The following RGS6 variants were observed in gnomAD, a reference collection of about 807,000 sequenced individuals.
The protein encoded by RGS6 is regulator of G-protein signaling 6.
Under a neutral mutation model 78.5 loss-of-function variants are expected in RGS6, and 30 were observed. The observed-to-expected ratio is 0.38, with a 90% CI of 0.29 to 0.52. The LOEUF (loss-of-function observed/expected upper bound fraction) is 0.52. Ranked by LOEUF, RGS6 falls within the 20% of genes least tolerant of loss-of-function variation. RGS6 has a pLI of 0.85. For synonymous variants in RGS6, 206 were observed against 206.0 expected (o/e 1.00, Z 0.00); for missense variants, 495 against 609.7 (o/e 0.81, Z 1.98).
At chr14:72,282,923 C>T (rs973696256) in intron 2 of RGS6, among the ~76,000 whole-genome samples, 2 of 152,140 alleles carry the variant, frequency 1.3e-5, no homozygotes, top group Non-Finnish European at 2.9e-5. Context: ...TCAGTAATAA[C>T]TCCCTATCTC....
the RGS6 span, among the ~76,000 whole-genome samples, chr14:72,604,006 T>A: frequency 1.3e-5 from 2 of 152,098 alleles, no homozygotes; most frequent in Admixed American, 1.3e-4. Context: ...TAGTATAGTT[T>A]AACAGGATCC....
chr14:72,569,258 A>G (rs1037000814), downstream of RGS6, among the ~76,000 whole-genome samples: 4 of 152,318 alleles, frequency 2.6e-5, no homozygotes, highest in African/African-American at 7.2e-5. Context: ...ACTGAAAATC[A>G]AAATAGGGAA....
At chr14:72,162,015 A>G (rs1018078098) in intron 2 of RGS6, among the ~76,000 whole-genome samples, 1 of 152,228 alleles carries the variant, frequency 6.6e-6, no homozygotes, top group African/African-American at 2.4e-5. Flanking sequence ...ACGCAAGGGC[A>G]AGATTAATAG....
At chr14:72,068,056 G>A (rs1453545245) in intron 2 of RGS6, among the ~76,000 whole-genome samples, 1 of 152,146 alleles carries the variant, frequency 6.6e-6, no homozygotes, top group Non-Finnish European at 1.5e-5. Context: ...AATGCTGATG[G>A]GGGGATACTT....
At chr14:72,402,790 G>GTTTTTTTTTTTT (rs1167831473) in intron 3 of RGS6, among the ~76,000 whole-genome samples, 5 of 75,802 alleles carry the variant, frequency 6.6e-5, no homozygotes, top group East Asian at 4.5e-4. Flanking sequence ...TGTTTTTTTG[G>GTTTTTTTTTTTT]TTTTTTTTTT....
intron 2 of RGS6, among the ~76,000 whole-genome samples, chr14:72,221,329 A>G (rs2046820117): frequency 6.6e-6 from 1 of 152,210 alleles, no homozygotes; most frequent in Non-Finnish European, 1.5e-5. Context: ...CTCTAGTAGA[A>G]TACTACATTT....
At position 72,126,661 on chromosome 14, in the gene RGS6, G is replaced by C. The variant is rs2096201356; in HGVS notation, c.84+161786G>C. Among the ~76,000 whole-genome samples, 4 of 152,288 alleles carry C rather than the reference G, an allele frequency of 2.6e-5. No individual in the cohort carries two copies. In the South Asian group the frequency reaches 8.3e-4, roughly 32 times the overall value. On this transcript the variant is annotated intron_variant, in intron 2 of 17. Transcript: ENST00000553525. ...CTTACTAAGAAAATAGAAAACACTTGAGTTCTCTGTTTTGCATGTGGCTAT... is the reference window on the plus strand; with the variant it reads ...CTTACTAAGAAAATAGAAAACACTTCAGTTCTCTGTTTTGCATGTGGCTAT...
At chr14:72,553,797 C>CTG (rs2097536826) in intron 17 of RGS6, among the ~76,000 whole-genome samples, 1 of 152,220 alleles carries the variant, frequency 6.6e-6, no homozygotes, top group African/African-American at 2.4e-5. Flanking sequence ...AACTCTTCCT[C>CTG]TGTGGGCCCT....
chr14:72,471,073 C>G (rs1165341589), intron 8 of RGS6, among the ~76,000 whole-genome samples: 1 of 152,150 alleles, frequency 6.6e-6, no homozygotes, highest in Non-Finnish European at 1.5e-5. Flanking sequence ...ATCCTGAGCA[C>G]AGGCTGACCC....
chr14:72,602,865 G>A, the RGS6 span, among the ~76,000 whole-genome samples: 3 of 152,134 alleles, frequency 2.0e-5, no homozygotes, highest in Non-Finnish European at 2.9e-5. Context: ...CTAGATCCAC[G>A]TTGAGAAAGG....
intron 2 of RGS6, among the ~76,000 whole-genome samples, chr14:72,345,248 C>G (rs1015566917): frequency 6.6e-6 from 1 of 152,122 alleles, no homozygotes; most frequent in African/African-American, 2.4e-5. Flanking sequence ...TGTTGGTGTT[C>G]ATAGAATAGA....
At chr14:72,166,590 T>C (rs1161780698) in intron 2 of RGS6, among the ~76,000 whole-genome samples, 1 of 152,184 alleles carries the variant, frequency 6.6e-6, no homozygotes, top group Non-Finnish European at 1.5e-5. Context: ...TGTTAGACTT[T>C]AGAAATAGAC....
the RGS6 span, among the ~76,000 whole-genome samples, chr14:72,580,317 C>G: frequency 4.7e-5 from 7 of 148,704 alleles, no homozygotes; most frequent in East Asian, 8.1e-4. Flanking sequence ...TCCCCCCCAC[C>G]CCGACCCCAG....
intron 2 of RGS6, among the ~76,000 whole-genome samples, chr14:71,988,819 G>A (rs1037869867): frequency 6.6e-6 from 1 of 152,020 alleles, no homozygotes; most frequent in Non-Finnish European, 1.5e-5. Flanking sequence ...TGGGGAGGGG[G>A]TATACAAGAT....
intron 2 of RGS6, among the ~76,000 whole-genome samples, chr14:72,040,655 C>T (rs571069382): frequency 1.3e-5 from 2 of 151,998 alleles, no homozygotes; most frequent in Non-Finnish European, 2.9e-5. Flanking sequence ...TTCTTTTTCC[C>T]CCTAGATTTG....
rs114524393 is a variant in RGS6, at chr14:72,518,862, A to G, written c.1278+325A>G. Among the ~76,000 whole-genome samples the G allele has an allele frequency of 1.8e-3, 271 of 152,374 alleles. 1 individual carries two copies. The highest frequency in any genetic ancestry group is 6.3e-3 in the African/African-American group (260 of 41,584). On this transcript the variant is annotated intron_variant, in intron 15 of 17. Transcript: ENST00000553525. ...GGAAACCAGAACACAGCATTGGGGA[A>G]GTGGGTGTAGTGAGTTAGCAGGGCC...
intron 17 of RGS6, chr14:72,547,338 T>C (rs1296196892): frequency 2.0e-6 from 3 of 1,535,282 alleles, no homozygotes; most frequent in Non-Finnish European, 2.6e-6. Flanking sequence ...GTCAGAGAGC[T>C]TCAAGTCTGA....
rs542578329 is a variant in RGS6, at chr14:72,401,127, T to G, written c.184+48933T>G. On this transcript the variant is annotated intron_variant, in intron 3 of 17. Coordinates refer to ENST00000553525, the MANE Select transcript of RGS6 (RefSeq NM_001204424.2). Reference sequence around the variant, plus strand: ...AGTTAGATAAATCTTATGTTCAGTCTTTTCTATCTTATCTTTACCCCAAGT... The same window carrying G: ...AGTTAGATAAATCTTATGTTCAGTCGTTTCTATCTTATCTTTACCCCAAGT... Among the ~76,000 whole-genome samples, 7 of 152,336 alleles carry G rather than the reference T, an allele frequency of 4.6e-5. No homozygotes were observed. In the East Asian group the frequency reaches 1.2e-3, roughly 25 times the overall value.
At chr14:71,915,472 G>A in the RGS6 span, among the ~76,000 whole-genome samples, 2 of 152,008 alleles carry the variant, frequency 1.3e-5, no homozygotes, top group Non-Finnish European at 2.9e-5. Context: ...GGTGGATTTC[G>A]AGGCTGCAAT....
Sources: gnomAD v4.1 joint callset for allele counts (sites outside exome capture counted in the v4.1 genomes callset) on GRCh38, gnomAD v4.1.1 for gene constraint, MANE v1.5 for transcripts, NCBI Gene and HGNC (gene_info 2026-07-23, HGNC 2026-07-21) for gene names.